Variants in CACNG4 observed in about 807,000 individuals in gnomAD.
CACNG4 encodes voltage-dependent calcium channel gamma-4 subunit.
In CACNG4, 8 loss-of-function variants were observed where a neutral mutation model predicts 22.9. That is an observed-to-expected ratio of 0.35 (90% confidence interval 0.21 to 0.63). CACNG4 has a LOEUF of 0.63. Ranked by LOEUF, CACNG4 falls within the 30% of genes least tolerant of loss-of-function variation. The pLI is 0.72. For synonymous variants in CACNG4, 188 were observed against 191.9 expected (o/e 0.98, Z 0.17); for missense variants, 357 against 455.4 (o/e 0.78, Z 1.97).
chr17:67,005,739 T>A (rs575649433), intron 1 of CACNG4, among the ~76,000 whole-genome samples: 1 of 152,278 alleles, frequency 6.6e-6, no homozygotes, highest in Admixed American at 6.5e-5. Context: ...TCCAGGCTGC[T>A]CCATTGAAAG....
intron 1 of CACNG4, among the ~76,000 whole-genome samples, chr17:66,970,420 G>A (rs2035196812): frequency 6.6e-6 from 1 of 152,152 alleles, no homozygotes; most frequent in African/African-American, 2.4e-5. Context: ...AGGTGTCGCT[G>A]GACTCAGTTC....
intron 1 of CACNG4, among the ~76,000 whole-genome samples, chr17:66,991,213 C>G (rs540126088): frequency 6.6e-6 from 1 of 152,178 alleles, no homozygotes; most frequent in African/African-American, 2.4e-5. Flanking sequence ...AGCTTGATCT[C>G]GGCAGGTCCT....
chr17:66,965,176 A>T, intron 1 of CACNG4, 45 bp downstream of exon 1: 1 of 1,122,630 alleles, frequency 8.9e-7, no homozygotes, highest in Non-Finnish European at 1.3e-6. Context: ...ACACACACAC[A>T]CACACACACA....
chr17:67,011,176 C>T (rs1417751323), intron 1 of CACNG4, among the ~76,000 whole-genome samples: 2 of 152,206 alleles, frequency 1.3e-5, no homozygotes, highest in South Asian at 4.1e-4. Flanking sequence ...TCACCCTCAC[C>T]GCCTTCTCTG....
At chr17:67,016,479 G>C (rs1041907877) in intron 1 of CACNG4, among the ~76,000 whole-genome samples, 1 of 152,144 alleles carries the variant, frequency 6.6e-6, no homozygotes, top group African/African-American at 2.4e-5. Flanking sequence ...TCAGCTTCTT[G>C]GTGACCAGGT....
chr17:66,976,844 G>A (rs1185795227), intron 1 of CACNG4, among the ~76,000 whole-genome samples: 3 of 152,286 alleles, frequency 2.0e-5, no homozygotes, highest in East Asian at 1.9e-4. Context: ...GGAGCCTGCT[G>A]GTGGTAACCT....
chr17:67,025,406 C>T (rs1465098325), intron 3 of CACNG4, among the ~76,000 whole-genome samples: 5 of 152,206 alleles, frequency 3.3e-5, no homozygotes, highest in Non-Finnish European at 5.9e-5. Flanking sequence ...CTGGGTCAGG[C>T]GGTCAGGGAG....
At chr17:67,019,090 G>C (rs1306714005) in intron 2 of CACNG4, among the ~76,000 whole-genome samples, 1 of 152,104 alleles carries the variant, frequency 6.6e-6, no homozygotes, top group African/African-American at 2.4e-5. Flanking sequence ...GACACACAAA[G>C]AGCAGCTCAC....
At chr17:66,972,069 G>A (rs2035208042) in intron 1 of CACNG4, among the ~76,000 whole-genome samples, 1 of 152,174 alleles carries the variant, frequency 6.6e-6, no homozygotes, top group Non-Finnish European at 1.5e-5. Context: ...AAGGGGATGA[G>A]GAATGAAGGG....
intron 1 of CACNG4, among the ~76,000 whole-genome samples, chr17:66,968,916 T>C (rs1055310067): frequency 1.3e-5 from 2 of 151,564 alleles, no homozygotes; most frequent in African/African-American, 4.9e-5. Context: ...CTCCTTCCAC[T>C]GTGTGCTAGA....
In CACNG4 at chr17:67,015,630, C is replaced by T. The variant is rs531296625; in HGVS notation, c.221-2559C>T. Among the ~76,000 whole-genome samples, 3 of 152,264 alleles carry T rather than the reference C, an allele frequency of 2.0e-5. 1 individual carries two copies. Among genetic ancestry groups the T allele is most frequent in the African/African-American group, 4.8e-5 (2 of 41,558 alleles). On this transcript the variant is annotated intron_variant, in intron 1 of 3. Transcript: ENST00000262138. Reference sequence around the variant, plus strand: ...TTTTTAAGATGGGCAGAACCCCACGCGTATATACGTGGAAGGGTGTGCCCA... The same window carrying T: ...TTTTTAAGATGGGCAGAACCCCACGTGTATATACGTGGAAGGGTGTGCCCA...
In CACNG4 at chr17:66,984,767, A is replaced by T. The variant is rs2035295535; in HGVS notation, c.220+19636A>T. Among the ~76,000 whole-genome samples the T allele has an allele frequency of 6.6e-6, 1 of 151,862 alleles. No homozygotes were observed. The highest frequency in any genetic ancestry group is 2.4e-5 in the African/African-American group (1 of 41,318). Reference sequence around the variant, plus strand: ...ACCCCACAGGAAGGTGGGTTCTGTCACCCTGGATTCTTCACCCAGAAGGCG... The same window carrying T: ...ACCCCACAGGAAGGTGGGTTCTGTCTCCCTGGATTCTTCACCCAGAAGGCG... On this transcript the variant is annotated intron_variant, in intron 1 of 3. Coordinates refer to ENST00000262138, the MANE Select transcript of CACNG4 (RefSeq NM_014405.4). This position sits in a 1 kb window ranked among gnomAD's most constrained non-coding sequence, Gnocchi z 4.0.
At chr17:66,999,514 G>T (rs985130598) in intron 1 of CACNG4, among the ~76,000 whole-genome samples, 2 of 152,196 alleles carry the variant, frequency 1.3e-5, no homozygotes, top group African/African-American at 4.8e-5. Context: ...GAAGCTTACA[G>T]TCACAGCGGA....
chr17:67,003,617 T>C (rs1329295732), intron 1 of CACNG4, among the ~76,000 whole-genome samples: 2 of 152,134 alleles, frequency 1.3e-5, no homozygotes, highest in East Asian at 3.9e-4. Context: ...ATCCTGTGCA[T>C]TGTAGAATGT....
At chr17:66,995,331 A>G (rs2035367410) in intron 1 of CACNG4, among the ~76,000 whole-genome samples, 1 of 152,164 alleles carries the variant, frequency 6.6e-6, no homozygotes, top group South Asian at 2.1e-4. Flanking sequence ...GGCTTAATGA[A>G]TAATGAAAGC....
In CACNG4 at chr17:66,964,895, A is replaced by G; in HGVS notation, c.-17A>G. The G allele has an allele frequency of 1.5e-6, 2 of 1,346,072 alleles. No individual in the cohort carries two copies. The highest frequency in any genetic ancestry group is 1.9e-6 in the Non-Finnish European group (2 of 1,031,260). The allele number at this position is 1,346,072 out of a possible 1,614,324, so 83.4% of individuals were successfully genotyped here. On this transcript the variant is annotated 5_prime_UTR_variant, in exon 1 of 4. Coordinates refer to ENST00000262138, the MANE Select transcript of CACNG4 (RefSeq NM_014405.4). Reference sequence around the variant, plus strand: ...GGCGGGCCGGGCCGGCGGGCGGCGGACTATGAGGCGCCCACCATGGTGCGA... The same window carrying G: ...GGCGGGCCGGGCCGGCGGGCGGCGGGCTATGAGGCGCCCACCATGGTGCGA...
At chr17:67,025,417 G>T (rs1005207071) in intron 3 of CACNG4, among the ~76,000 whole-genome samples, 16 of 152,248 alleles carry the variant, frequency 1.1e-4, no homozygotes, top group Non-Finnish European at 2.4e-4. Flanking sequence ...GGTCAGGGAG[G>T]TGCCCACGGG....
rs143223580 is a variant in CACNG4, at chr17:67,031,879, G to A, written c.*875G>A. On this transcript the variant is annotated 3_prime_UTR_variant, in exon 4 of 4. Transcript: ENST00000262138. The surrounding 1 kb of genome is among the most constrained non-coding windows in gnomAD (Gnocchi z 4.0). ...CTGTCCCCTGAGCGTTGGGGGTCCCGGGGGAGAGGTGGACAGACACCTCCC... is the reference window on the plus strand; with the variant it reads ...CTGTCCCCTGAGCGTTGGGGGTCCCAGGGGAGAGGTGGACAGACACCTCCC... 216 of 456,628 alleles carry A rather than the reference G, an allele frequency of 4.7e-4. No homozygotes were observed. Among genetic ancestry groups the A allele is most frequent in the East Asian group, 4.5e-3 (64 of 14,378 alleles). The allele number at this position is 456,628 out of a possible 1,614,324, so 28.3% of individuals were successfully genotyped here.
intron 1 of CACNG4, among the ~76,000 whole-genome samples, chr17:66,978,760 G>A (rs893314879): frequency 3.3e-5 from 5 of 152,328 alleles, no homozygotes; most frequent in African/African-American, 4.8e-5. Flanking sequence ...ACATTTTCTC[G>A]CTTCAGCAGT....
Sources: allele counts gnomAD v4.1 joint callset (sites outside exome capture counted in the v4.1 genomes callset), GRCh38; gene constraint gnomAD v4.1.1; non-coding constraint Gnocchi (gnomAD v3.1); transcripts MANE v1.5; gene names NCBI Gene and HGNC (gene_info 2026-07-23, HGNC 2026-07-21).